EZH1: variants seen among roughly 807,000 people sequenced by gnomAD.
EZH1 encodes histone-lysine N-methyltransferase EZH1.
EZH1 carries 33 observed loss-of-function variants against 100.5 expected under a neutral mutation model. The ratio of observed to expected loss-of-function variants is 0.33; its 90% CI spans 0.25 to 0.44. The LOEUF is 0.44. EZH1 is among the 20% of genes least tolerant of loss of function. EZH1 has a pLI of 1.00. For missense variants in EZH1, 475 were observed against 928.4 expected, an observed-to-expected ratio of 0.51 and a Z score of 6.35; for synonymous variants, 272 against 313.8, an observed-to-expected ratio of 0.87 and a Z score of 1.41.
Position 42,713,330 on chromosome 17 carries a change from G to C in EZH1, c.1083C>G (p.Arg361=). Residue 361 remains arginine, a synonymous_variant, in exon 11 of 21, where the codon CGC becomes CGG. Coordinates refer to ENST00000428826, the MANE Select transcript of EZH1 (RefSeq NM_001991.5). The stretch of plus-strand genomic sequence containing the variant: ...CACTGACTATGTGGTGCCTTCTCCG[G>C]CGACGACCAGAGCACTTGGAGCGGG... ...HNPRSKCSGR[R]RRRHHIVSAS... is the part of the protein sequence containing the mutation. 3 of 1,612,430 alleles carry C rather than the reference G, an allele frequency of 1.9e-6. No homozygotes were observed. The highest frequency in any genetic ancestry group is 1.7e-6 in the Non-Finnish European group (2 of 1,178,588).
chr17:42,712,347 G>A lies in EZH1; in HGVS notation c.1343C>T (p.Thr448Ile). The change falls in exon 12 of 21, where the codon ACC (threonine) becomes ATC (isoleucine). Residue 448 changes from threonine (T) to isoleucine (I), a missense_variant. This residue lies in a region of EZH1 where 83 missense variants were observed against 142.1 expected (regional missense o/e 0.58). Transcript: ENST00000428826. The stretch of plus-strand genomic sequence containing the variant: ...TATTGAACAGAAGTTGTTGAAGTAG[G>A]TGCCATGGAAGACTCGAAAAAGAGA... ...EESLFRVFHGTYFNNFCSIAR... is the reference protein window; with the variant it reads ...EESLFRVFHGIYFNNFCSIAR... 6.2e-7 allele frequency: 1 copy of A among 1,614,168 alleles called. No individual in the cohort carries two copies. Among genetic ancestry groups the A allele is most frequent in the Non-Finnish European group, 8.5e-7 (1 of 1,180,040 alleles).
intron 3 of EZH1, 84 bp downstream of exon 3, chr17:42,728,741 C>CAA (rs368020600): frequency 2.5e-3 from 2,713 of 1,096,848 alleles, no homozygotes; most frequent in Middle Eastern, 4.7e-3. Context: ...GACTCTGTCT[C>CAA]AAAAAAAAAA....
intron 6 of EZH1, among the ~76,000 whole-genome samples, chr17:42,721,279 G>C (rs920888480): frequency 6.6e-5 from 10 of 152,160 alleles, no homozygotes; most frequent in Non-Finnish European, 1.0e-4. Flanking sequence ...TGGGGCTGTT[G>C]GTTTATGAAG....
At chr17:42,730,040 AACAAAAACAAAAG>A (rs2053909656) in intron 2 of EZH1, among the ~76,000 whole-genome samples, 1 of 152,148 alleles carries the variant, frequency 6.6e-6, no homozygotes, top group African/African-American at 2.4e-5. Context: ...TCCGTCTCAA[AACAAAAACAAAAG>A]ACAAAAACAA....
intron 6 of EZH1, among the ~76,000 whole-genome samples, chr17:42,720,897 C>T (rs780848605): frequency 9.9e-5 from 15 of 152,068 alleles, no homozygotes; most frequent in Non-Finnish European, 1.8e-4. Flanking sequence ...GTGATCCGCC[C>T]GCCTCGGCCT....
At chr17:42,738,142 C>CTCCA (rs1190161527) in intron 1 of EZH1, among the ~76,000 whole-genome samples, 1 of 147,086 alleles carries the variant, frequency 6.8e-6, no homozygotes, top group Non-Finnish European at 1.5e-5. Flanking sequence ...TGCCACTGAA[C>CTCCA]TCCAGCCTGG....
chr17:42,729,866 C>T (rs544662226), intron 2 of EZH1, among the ~76,000 whole-genome samples: 19 of 152,108 alleles, frequency 1.2e-4, no homozygotes, highest in Non-Finnish European at 1.9e-4. Flanking sequence ...GCTGAAACCC[C>T]GTCTCTACTA....
chr17:42,727,592 C>A, intron 4 of EZH1, 43 bp downstream of exon 4: 1 of 1,583,712 alleles, frequency 6.3e-7, no homozygotes, highest in Non-Finnish European at 8.6e-7. Context: ...AAGCTTTAAG[C>A]CCAAGGAAGA....
At chr17:42,709,283 T>C (rs1027174005) in intron 13 of EZH1, 1 of 239,032 alleles carries the variant, frequency 4.2e-6, no homozygotes, top group Admixed American at 4.9e-5. Flanking sequence ...GATGGGGAGG[T>C]GGGAAGGCCT....
At chr17:42,712,543 G>T in intron 11 of EZH1, 58 bp from the exon 12 acceptor site, 1 of 1,503,548 alleles carries the variant, frequency 6.7e-7, no homozygotes, top group Non-Finnish European at 9.1e-7. Context: ...GTCATCAGTA[G>T]TTTGTCACAA....
chr17:42,725,010 T>C (rs1203316852), intron 4 of EZH1, among the ~76,000 whole-genome samples: 2 of 151,412 alleles, frequency 1.3e-5, no homozygotes, highest in East Asian at 2.0e-4. Context: ...CTACTAAAAA[T>C]ACAAAAATTA....
At chr17:42,703,187 T>C in intron 19 of EZH1, 1 of 490,318 alleles carries the variant, frequency 2.0e-6, no homozygotes, top group Admixed American at 3.3e-5. Flanking sequence ...TTTTGTTTTG[T>C]TTTTTGAGAC....
rs1293746422 is a variant in EZH1 at position 42,702,971 on chromosome 17, G to A, written c.2099-10C>T. 1.9e-6 allele frequency: 3 copies of A among 1,613,942 alleles called. No homozygotes were observed. Among genetic ancestry groups the A allele is most frequent in the African/African-American group, 2.7e-5 (2 of 75,036 alleles). The stretch of plus-strand genomic sequence containing the variant: ...CCATTCACCATGACCACTGCAAGCA[G>A]GATAAACCCGAGGCTAGGTTCCTAC... On this transcript the variant is annotated splice_polypyrimidine_tract_variant and intron_variant, in intron 19 of 20. Transcript: ENST00000428826.
chr17:42,702,821 C>G (rs927899910), intron 20 of EZH1, 56 bp downstream of exon 20: 11 of 1,576,672 alleles, frequency 7.0e-6, no homozygotes, highest in Non-Finnish European at 9.6e-6. Flanking sequence ...TCTATTCCAA[C>G]AGCCACTCTT....
At chr17:42,709,810 G>C in intron 13 of EZH1, 36 bp downstream of exon 13, 1 of 1,599,428 alleles carries the variant, frequency 6.3e-7, no homozygotes, top group Non-Finnish European at 8.6e-7. Flanking sequence ...GAACAGCCTG[G>C]CTGTAAAACA....
chr17:42,714,946 T>A (rs1454001498), intron 10 of EZH1, among the ~76,000 whole-genome samples: 3 of 138,016 alleles, frequency 2.2e-5, no homozygotes, highest in Admixed American at 7.8e-5. Flanking sequence ...AAAATATATA[T>A]TTATATAATA....
At chr17:42,715,319 GT>G (rs2053581373) in intron 10 of EZH1, among the ~76,000 whole-genome samples, 1 of 148,648 alleles carries the variant, frequency 6.7e-6, no homozygotes, top group Non-Finnish European at 1.5e-5. Flanking sequence ...TGTCACCCAG[GT>G]GAGTACAGTA....
intron 19 of EZH1, chr17:42,703,384 G>T (rs1460774930): frequency 3.3e-6 from 1 of 306,034 alleles, no homozygotes; most frequent in African/African-American, 2.2e-5. Flanking sequence ...CACCATGTTT[G>T]CTAGGCTGGT....
chr17:42,729,038 A>C, intron 2 of EZH1, 86 bp from the exon 3 acceptor site: 1 of 1,310,272 alleles, frequency 7.6e-7, no homozygotes, highest in Non-Finnish European at 1.0e-6. Flanking sequence ...AAGATCAATT[A>C]TGCTTTCATT....
Sources: allele counts gnomAD v4.1 joint callset (sites outside exome capture counted in the v4.1 genomes callset), GRCh38; gene constraint gnomAD v4.1.1; regional missense constraint gnomAD v4.1.1; transcripts MANE v1.5; gene names NCBI Gene and HGNC (gene_info 2026-07-23, HGNC 2026-07-21).